Variants in RBMS3 observed in about 807,000 individuals in gnomAD.
RBMS3 encodes the protein RNA binding motif single stranded interacting protein 3.
In RBMS3, 27 loss-of-function variants were observed where a neutral mutation model predicts 66.8. The observed-to-expected ratio is 0.40, with a 90% CI of 0.30 to 0.56. The LOEUF is 0.56. Ranked by LOEUF, RBMS3 falls within the 20% of genes least tolerant of loss-of-function variation. The probability of loss-of-function intolerance (pLI) is 0.40; values close to 1 mark genes in which losing one functional copy is unlikely to be tolerated. For synonymous variants in RBMS3, 188 were observed against 183.0 expected, an observed-to-expected ratio of 1.03 and a Z score of -0.22; for missense variants, 513 against 549.5, an observed-to-expected ratio of 0.93 and a Z score of 0.66.
At chr3:29,347,043 A>G (rs1372162897) in intron 1 of RBMS3, among the ~76,000 whole-genome samples, 1 of 152,172 alleles carries the variant, frequency 6.6e-6, no homozygotes, top group Non-Finnish European at 1.5e-5. Flanking sequence ...TTTTCAGTTA[A>G]TGCCTTTGGC....
intron 3 of RBMS3, among the ~76,000 whole-genome samples, chr3:29,514,650 C>CGTATATATATATATATATATAT: frequency 9.6e-6 from 1 of 103,682 alleles, no homozygotes; most frequent in South Asian, 3.4e-4. Context: ...GTGATAGGCA[C>CGTATATATATATATATATATAT]ATATATATAT....
intron 4 of RBMS3, among the ~76,000 whole-genome samples, chr3:29,705,971 G>T (rs1212460710): frequency 1.3e-5 from 2 of 152,168 alleles, no homozygotes; most frequent in Non-Finnish European, 2.9e-5. Flanking sequence ...AACAGCAGGT[G>T]TACCAGCAAG....
At chr3:29,421,862 A>G (rs1333803013) in intron 1 of RBMS3, among the ~76,000 whole-genome samples, 1 of 152,206 alleles carries the variant, frequency 6.6e-6, no homozygotes, top group African/African-American at 2.4e-5. Flanking sequence ...GTATCATGAG[A>G]TTTTAAATCA....
chr3:29,522,554 C>T (rs1231336650), intron 3 of RBMS3, among the ~76,000 whole-genome samples: 1 of 152,002 alleles, frequency 6.6e-6, no homozygotes, highest in African/African-American at 2.4e-5. Context: ...GCTACCAATC[C>T]TAGGTCTAGA....
At chr3:29,967,441 G>A (rs114325219) in intron 12 of RBMS3, among the ~76,000 whole-genome samples, 2,629 of 152,204 alleles carry the variant, frequency 0.017, 48 homozygotes, top group Admixed American at 0.05. Context: ...GAATACAGGT[G>A]TGTGTCACCA....
chr3:29,548,398 C>G (rs1352283229), intron 3 of RBMS3, among the ~76,000 whole-genome samples: 1 of 151,194 alleles, frequency 6.6e-6, no homozygotes, highest in Non-Finnish European at 1.5e-5. Context: ...CCGTTGTACT[C>G]TAGCCTGGGT....
chr3:29,429,933 TTTTATTTATTTA>T (rs3041547), intron 1 of RBMS3, among the ~76,000 whole-genome samples: 3 of 149,724 alleles, frequency 2.0e-5, no homozygotes, highest in African/African-American at 4.9e-5. Flanking sequence ...TTGACACTTC[TTTTATTTATTTA>T]TTTATTTATT....
At chr3:29,902,357 A>G in intron 10 of RBMS3, among the ~76,000 whole-genome samples, 1 of 151,904 alleles carries the variant, frequency 6.6e-6, no homozygotes, top group East Asian at 1.9e-4. Context: ...GTTTTATCAA[A>G]TGAGTGTTGT....
chr3:29,610,437 A>G (rs1379579762), intron 4 of RBMS3, among the ~76,000 whole-genome samples: 1 of 152,042 alleles, frequency 6.6e-6, no homozygotes, highest in African/African-American at 2.4e-5. Context: ...ATGTCTGTGT[A>G]GATGCCACTT....
chr3:29,991,012 TTACAGCCTATC>T (rs746040529), intron 13 of RBMS3, 59 bp from the exon 14 acceptor site: 808 of 1,493,394 alleles, frequency 5.4e-4, no homozygotes, highest in Non-Finnish European at 6.8e-4. Context: ...AGAGGGGTAC[TTACAGCCTATC>T]TAGAGAGGGC....
At chr3:29,376,130 A>C (rs2038449316) in intron 1 of RBMS3, among the ~76,000 whole-genome samples, 3 of 145,006 alleles carry the variant, frequency 2.1e-5, no homozygotes, top group Non-Finnish European at 4.5e-5. Context: ...TATAAGTGGG[A>C]GCTAAATGAT....
chr3:29,362,512 G>A (rs2125584464), intron 1 of RBMS3, among the ~76,000 whole-genome samples: 1 of 152,296 alleles, frequency 6.6e-6, no homozygotes. Flanking sequence ...CACTTGAGGA[G>A]GCAGTCTGCC....
chr3:29,894,563 C>A (rs1055361149), intron 8 of RBMS3, among the ~76,000 whole-genome samples: 1 of 151,442 alleles, frequency 6.6e-6, no homozygotes, highest in Non-Finnish European at 1.5e-5. Context: ...TTCATTAAGG[C>A]CCCACGCTTA....
At chr3:29,394,409 A>G (rs919190103) in intron 1 of RBMS3, among the ~76,000 whole-genome samples, 1 of 152,178 alleles carries the variant, frequency 6.6e-6, no homozygotes, top group African/African-American at 2.4e-5. Context: ...AACAATTTAT[A>G]TGGATAATGC....
At position 29,698,394 on chromosome 3, in the gene RBMS3, T is replaced by C. The variant is rs1397768098; in HGVS notation, c.400-41326T>C. ...GCTGTAAACCAGATTTTTTTTTTCA[T>C]GTAAATTCTATAGCCAGGATATCAC... On this transcript the variant is annotated intron_variant, in intron 4 of 14. Coordinates refer to ENST00000383767, the MANE Select transcript of RBMS3 (RefSeq NM_001003793.3). 7 of 985,304 alleles carry C rather than the reference T, an allele frequency of 7.1e-6. No homozygotes were observed. In the East Asian group the frequency reaches 3.4e-4, roughly 48 times the overall value. 61.0% of individuals were successfully genotyped at this position (985,304 alleles called of 1,614,324 possible). A position where few individuals can be genotyped will look rare whatever the true frequency, so the allele number is the denominator to read the frequency against.
In RBMS3 at chr3:29,802,267, C is replaced by T. The variant is rs186639568; in HGVS notation, c.637+39278C>T. The stretch of plus-strand genomic sequence containing the variant: ...ACGTACTGCTATTTATCTATCTGAC[C>T]GGGCAGTGACAAAGTCAATACCACC... On this transcript the variant is annotated intron_variant, in intron 6 of 14. Coordinates refer to ENST00000383767, the MANE Select transcript of RBMS3 (RefSeq NM_001003793.3). Among the ~76,000 whole-genome samples, 111 of 152,238 alleles carry T rather than the reference C, an allele frequency of 7.3e-4. 1 individual carries two copies. Among genetic ancestry groups the T allele is most frequent in the Admixed American group, 1.1e-3 (17 of 15,282 alleles).
At chr3:29,898,724 G>C (rs1051972727) in intron 9 of RBMS3, among the ~76,000 whole-genome samples, 2 of 144,132 alleles carry the variant, frequency 1.4e-5, no homozygotes, top group Non-Finnish European at 3.0e-5. Flanking sequence ...AGGCCTGCCT[G>C]GTTGTAATGT....
intron 5 of RBMS3, among the ~76,000 whole-genome samples, chr3:29,743,160 C>T (rs913932616): frequency 2.0e-5 from 3 of 152,186 alleles, no homozygotes; most frequent in Admixed American, 6.5e-5. Flanking sequence ...ATTCCTACTT[C>T]CCTATAACAT....
At chr3:29,913,449 G>T (rs539147764) in intron 10 of RBMS3, among the ~76,000 whole-genome samples, 28 of 152,054 alleles carry the variant, frequency 1.8e-4, no homozygotes, top group African/African-American at 6.7e-4. Flanking sequence ...GGTGGTACTT[G>T]TTCCCTTTTA....
Sources: gnomAD v4.1 joint callset for allele counts (sites outside exome capture counted in the v4.1 genomes callset) on GRCh38, gnomAD v4.1.1 for gene constraint, MANE v1.5 for transcripts, NCBI Gene and HGNC (gene_info 2026-07-23, HGNC 2026-07-21) for gene names.